The following MED13 variants were observed in gnomAD, a reference collection of about 807,000 sequenced individuals.
The protein encoded by MED13 is mediator complex subunit 13.
MED13 carries 23 observed loss-of-function variants against 225.2 expected under a neutral mutation model. The ratio of observed to expected loss-of-function variants is 0.10; its 90% CI spans 0.07 to 0.14. The LOEUF is 0.14. Ranked by LOEUF, MED13 falls within the 10% of genes least tolerant of loss-of-function variation. The pLI is 1.00. For synonymous variants in MED13, 942 were observed against 889.2 expected (o/e 1.06, Z -1.06); for missense variants, 2,197 against 2,594.5 (o/e 0.85, Z 3.33).
intron 6 of MED13, 82 bp downstream of exon 6, chr17:62,031,362 T>C: frequency 8.3e-7 from 1 of 1,207,462 alleles, no homozygotes; most frequent in Non-Finnish European, 1.1e-6. Context: ...TTGAAACTAT[T>C]TCAAAATAAA....
intron 22 of MED13, among the ~76,000 whole-genome samples, chr17:61,961,349 G>A (rs2079997805): frequency 6.6e-6 from 1 of 151,782 alleles, no homozygotes; most frequent in South Asian, 2.1e-4. Flanking sequence ...CCAACATGGT[G>A]AAACTCCTCC....
In MED13 at chr17:61,985,661, A is replaced by G. The variant is rs565563338; in HGVS notation, c.2386-571T>C. On this transcript the variant is annotated intron_variant, in intron 12 of 29. Coordinates refer to ENST00000397786, the MANE Select transcript of MED13 (RefSeq NM_005121.3). ...ACTCCAGCATGGGCAATACAATGAGACTCTTGTCTTAAAATAAATAAAAAT... is the reference window on the plus strand; with the variant it reads ...ACTCCAGCATGGGCAATACAATGAGGCTCTTGTCTTAAAATAAATAAAAAT... 4.4e-4 allele frequency among the ~76,000 whole-genome samples: 67 copies of G among 152,186 alleles called. 1 individual carries two copies. Among genetic ancestry groups the G allele is most frequent in the African/African-American group, 1.5e-3 (64 of 41,530 alleles).
chr17:62,051,782 T>C (rs888838556), intron 3 of MED13, among the ~76,000 whole-genome samples: 1 of 152,224 alleles, frequency 6.6e-6, no homozygotes, highest in Non-Finnish European at 1.5e-5. Flanking sequence ...TCCCTTTAGT[T>C]TTCTCTTCCC....
intron 19 of MED13, 71 bp from the exon 20 acceptor site, chr17:61,965,539 TAAACAG>T: frequency 1.4e-6 from 2 of 1,383,820 alleles, no homozygotes; most frequent in Non-Finnish European, 1.9e-6. Context: ...TTCTACTGTG[TAAACAG>T]AATCATAATC....
intron 8 of MED13, among the ~76,000 whole-genome samples, chr17:62,027,278 C>T (rs2080711490): frequency 6.6e-6 from 1 of 152,154 alleles, no homozygotes; most frequent in Non-Finnish European, 1.5e-5. Flanking sequence ...AGAAATAAGG[C>T]TGCACTGCCA....
Position 61,983,101 on chromosome 17 carries a change from T to C in MED13, c.2902A>G (p.Met968Val). The change falls in exon 16 of 30, where the codon ATG becomes GTG. Residue 968 changes from methionine to valine, a missense_variant. By Grantham distance (21) the Met-to-Val change is conservative. Around this residue, in one of 12 missense-constraint regions of MED13, gnomAD observed 160 missense variants for 184.8 expected, o/e 0.87. Transcript: ENST00000397786. ...PFIKEGDGSN[M>V]DQEYGTAYTP... is the part of the protein sequence containing the mutation. ...TAAGCAGTGCCATATTCTTGATCCA[T>C]ATTACTTCCATCACTATCATCACCA... 4 of 1,604,188 alleles carry C rather than the reference T, an allele frequency of 2.5e-6. No homozygotes were observed. The highest frequency in any genetic ancestry group is 2.2e-5 in the East Asian group (1 of 44,760).
intron 18 of MED13, among the ~76,000 whole-genome samples, chr17:61,967,012 A>T (rs950196747): frequency 6.6e-6 from 1 of 152,218 alleles, no homozygotes; most frequent in Non-Finnish European, 1.5e-5. Flanking sequence ...TTAGGTATAC[A>T]TTAACACCAA....
At chr17:61,951,311 T>A (rs1177897210) in intron 27 of MED13, among the ~76,000 whole-genome samples, 1 of 152,206 alleles carries the variant, frequency 6.6e-6, no homozygotes, top group Non-Finnish European at 1.5e-5. Context: ...AATGACATCT[T>A]TAACTTTTTT....
chr17:62,047,628 G>A (rs990052004), intron 3 of MED13, among the ~76,000 whole-genome samples: 5 of 152,084 alleles, frequency 3.3e-5, no homozygotes, highest in South Asian at 4.2e-4. Flanking sequence ...CCCAGATGAC[G>A]GGCTGATAGG....
At chr17:62,041,744 A>C (rs1235459528) in intron 3 of MED13, among the ~76,000 whole-genome samples, 1 of 152,032 alleles carries the variant, frequency 6.6e-6, no homozygotes, top group East Asian at 1.9e-4. Context: ...TGTCCAGATA[A>C]TTTTTAGAAT....
At chr17:62,031,725 A>G (rs1286857652) in intron 5 of MED13, 87 bp from the exon 6 acceptor site, 6 of 742,188 alleles carry the variant, frequency 8.1e-6, no homozygotes, top group Non-Finnish European at 1.2e-5. Flanking sequence ...ATGGAAAAGT[A>G]GGTATCACAT....
Position 62,033,917 on chromosome 17 carries a change from A to G in MED13, c.684T>C (p.Ala228=). Reference sequence around the variant, plus strand: ...TCCATTCACCAATTAATTTTTTTGTAGCTGAATCAGACATCTTGAATGCCT... The same window carrying G: ...TCCATTCACCAATTAATTTTTTTGTGGCTGAATCAGACATCTTGAATGCCT... ...TGQAFKMSDS[A]TKKLIGEWKQ... The change falls in exon 5 of 30, where the codon GCT becomes GCC. Residue 228 remains alanine, a synonymous_variant. Coordinates refer to ENST00000397786, the MANE Select transcript of MED13 (RefSeq NM_005121.3). 1 of 1,614,102 alleles carries G rather than the reference A, an allele frequency of 6.2e-7. No individual in the cohort carries two copies. Among genetic ancestry groups the G allele is most frequent in the Non-Finnish European group, 8.5e-7 (1 of 1,180,010 alleles).
intron 23 of MED13, among the ~76,000 whole-genome samples, chr17:61,957,886 A>G (rs1258376506): frequency 6.6e-6 from 1 of 152,056 alleles, no homozygotes; most frequent in South Asian, 2.1e-4. Context: ...TTCTTTTGAG[A>G]CGGAGTCTCA....
chr17:62,010,511 C>T (rs1447987234), intron 9 of MED13, 39 bp downstream of exon 9: 1 of 1,318,750 alleles, frequency 7.6e-7, no homozygotes, highest in Admixed American at 2.9e-5. Flanking sequence ...TCACTTCCAC[C>T]CTTAAATTAT....
chr17:61,959,274 A>G (rs2079976555), intron 23 of MED13, among the ~76,000 whole-genome samples: 2 of 152,118 alleles, frequency 1.3e-5, no homozygotes, highest in Non-Finnish European at 1.5e-5. Context: ...CTTGGCCTCC[A>G]AAGTGCTGAG....
At chr17:61,968,839 C>T in intron 17 of MED13, among the ~76,000 whole-genome samples, 1 of 152,140 alleles carries the variant, frequency 6.6e-6, no homozygotes, top group East Asian at 1.9e-4. Flanking sequence ...GCAGCATTAA[C>T]CTGCTGGGCT....
intron 11 of MED13, 115 bp downstream of exon 11, chr17:61,992,421 CCTTT>C (rs1480303350): frequency 2.1e-5 from 12 of 580,446 alleles, no homozygotes; most frequent in Non-Finnish European, 3.6e-5. Context: ...AAGAAAGATT[CCTTT>C]CTATGAAACA....
In MED13 at chr17:61,982,316, G is replaced by C. The variant is rs751236505; in HGVS notation, c.3687C>G (p.Cys1229Trp). ...GTTCTAATGCAAGGTAGCAGTCATT[G>C]CAACAGTCACGCTCTTCAACACGTA... is the stretch of plus-strand genomic sequence containing the variant. ...NWVRVEERDCCNDCYLALEHG... is the reference protein window; with the variant it reads ...NWVRVEERDCWNDCYLALEHG... Residue 1229 changes from cysteine (C) to tryptophan (W), a missense_variant, in exon 16 of 30, where the codon TGC becomes TGG. Transcript: ENST00000397786. The C allele has an allele frequency of 8.1e-6, 13 of 1,614,080 alleles. No individual in the cohort carries two copies. The highest frequency in any genetic ancestry group is 5.3e-5 in the African/African-American group (4 of 74,928).
chr17:62,017,209 A>G (rs183491162), intron 8 of MED13, among the ~76,000 whole-genome samples: 1 of 147,166 alleles, frequency 6.8e-6, no homozygotes. Flanking sequence ...ACAGAGTAGA[A>G]CTAAAATGCT....
Sources: gnomAD v4.1 joint callset for allele counts (sites outside exome capture counted in the v4.1 genomes callset) on GRCh38, gnomAD v4.1.1 for gene constraint, gnomAD v4.1.1 regional missense constraint, MANE v1.5 for transcripts, NCBI Gene and HGNC (gene_info 2026-07-23, HGNC 2026-07-21) for gene names.